The following METTL15 variants were observed in gnomAD, a reference collection of about 807,000 sequenced individuals.
METTL15 encodes the protein 12S rRNA N(4)-cytidine methyltransferase METTL15.
A neutral mutation model predicts 38.3 loss-of-function variants in METTL15; 34 were observed. The observed-to-expected ratio is 0.89, with a 90% CI of 0.68 to 1.18. METTL15 has a LOEUF of 1.18. Ranked by LOEUF, METTL15 falls within the 50% of genes most tolerant of loss-of-function variation. The probability of loss-of-function intolerance (pLI) is 0.00; values close to 1 mark genes in which losing one functional copy is unlikely to be tolerated. For missense variants in METTL15, 438 were observed against 498.4 expected (o/e 0.88, Z 1.15); for synonymous variants, 162 against 170.9 (o/e 0.95, Z 0.41).
At chr11:28,394,237 A>G (rs1291298472) in intron 5 of METTL15, among the ~76,000 whole-genome samples, 1 of 152,124 alleles carries the variant, frequency 6.6e-6, no homozygotes, top group African/African-American at 2.4e-5. Context: ...TCTATGACAT[A>G]TAAGAGTTCC....
At chr11:28,377,046 C>T (rs1319700370) in intron 5 of METTL15, among the ~76,000 whole-genome samples, 1 of 132,132 alleles carries the variant, frequency 7.6e-6, no homozygotes, top group African/African-American at 2.6e-5. Context: ...GTCTGATGGG[C>T]TTCCCTTTGA....
At chr11:28,235,768 T>G (rs1853929729) in intron 4 of METTL15, among the ~76,000 whole-genome samples, 2 of 152,208 alleles carry the variant, frequency 1.3e-5, no homozygotes, top group Non-Finnish European at 2.9e-5. Flanking sequence ...ACAATTTGAC[T>G]TCCTGTTTTC....
intron 4 of METTL15, among the ~76,000 whole-genome samples, chr11:28,354,648 C>T (rs1850074807): frequency 6.6e-6 from 1 of 152,074 alleles, no homozygotes; most frequent in South Asian, 2.1e-4. Context: ...CTTAGTTCAG[C>T]TCATTCAACA....
intron 3 of METTL15, among the ~76,000 whole-genome samples, chr11:28,134,143 C>A (rs1388446354): frequency 6.6e-6 from 1 of 152,112 alleles, no homozygotes; most frequent in African/African-American, 2.4e-5. Context: ...CTTAGCTCAG[C>A]AAGGTCCATG....
chr11:28,238,932 T>C (rs1218091207), intron 4 of METTL15, among the ~76,000 whole-genome samples: 1 of 152,236 alleles, frequency 6.6e-6, no homozygotes, highest in Non-Finnish European at 1.5e-5. Flanking sequence ...GTTGACTATT[T>C]CCTATTCCTT....
intron 3 of METTL15, among the ~76,000 whole-genome samples, chr11:28,135,976 T>C (rs989056463): frequency 2.0e-5 from 3 of 152,226 alleles, no homozygotes; most frequent in Admixed American, 2.0e-4. Flanking sequence ...TCATGAGTCC[T>C]GTATGTTTCT....
chr11:28,440,706 C>T (rs1329698277), intron 6 of METTL15, among the ~76,000 whole-genome samples: 1 of 152,170 alleles, frequency 6.6e-6, no homozygotes, highest in African/African-American at 2.4e-5. Flanking sequence ...TAAATGTCAT[C>T]ATACGTGCAC....
At chr11:28,221,468 T>G (rs1467211097) in intron 4 of METTL15, among the ~76,000 whole-genome samples, 3 of 152,172 alleles carry the variant, frequency 2.0e-5, no homozygotes, top group African/African-American at 7.2e-5. Flanking sequence ...TCATCTAATT[T>G]TTTTTCAAGG....
intron 6 of METTL15, among the ~76,000 whole-genome samples, chr11:28,430,022 T>A (rs1850902488): frequency 1.6e-5 from 2 of 125,676 alleles, no homozygotes; most frequent in African/African-American, 3.1e-5. Context: ...CCATCTGGGA[T>A]GTGAGGAGCG....
intron 6 of METTL15, among the ~76,000 whole-genome samples, chr11:28,493,250 G>C (rs1426185831): frequency 6.6e-6 from 1 of 152,090 alleles, no homozygotes; most frequent in East Asian, 1.9e-4. Context: ...TTATTGTTAA[G>C]TTTGGGAGTC....
chr11:28,390,549 T>C (rs1850492991), intron 5 of METTL15, among the ~76,000 whole-genome samples: 2 of 152,158 alleles, frequency 1.3e-5, no homozygotes, highest in Admixed American at 1.3e-4. Flanking sequence ...AGATATGTAG[T>C]GTTATTTCTG....
At chr11:28,325,002 C>T (rs1351767279) in intron 6 of METTL15, among the ~76,000 whole-genome samples, 1 of 152,140 alleles carries the variant, frequency 6.6e-6, no homozygotes, top group Non-Finnish European at 1.5e-5. Context: ...GCTGACATTC[C>T]CTTGGCTTCA....
intron 6 of METTL15, among the ~76,000 whole-genome samples, chr11:28,476,182 C>G (rs540337499): frequency 6.6e-6 from 1 of 152,190 alleles, no homozygotes; most frequent in Non-Finnish European, 1.5e-5. Context: ...GCAGTCTCAG[C>G]GTGAGAGTAT....
Position 28,315,855 on chromosome 11 carries a change from C to A in METTL15, c.779-14541C>A, listed in dbSNP as rs554335859. On this transcript the variant is annotated intron_variant, in intron 6 of 6. Coordinates refer to ENST00000407364, the MANE Select transcript of METTL15 (RefSeq NM_001113528.2). ...TGGAAGTCCCAAGCTTTGGCAGCTT[C>A]TATGTGGTGTTGAGCCTGTGGGTGC... is the stretch of plus-strand genomic sequence containing the variant. Among the ~76,000 whole-genome samples, 3 of 152,350 alleles carry A rather than the reference C, an allele frequency of 2.0e-5. No individual in the cohort carries two copies. In the South Asian group the frequency reaches 6.2e-4, roughly 32 times the overall value.
chr11:28,435,842 A>G (rs1308398298), intron 6 of METTL15, among the ~76,000 whole-genome samples: 1 of 152,216 alleles, frequency 6.6e-6, no homozygotes, highest in Non-Finnish European at 1.5e-5. Context: ...AAAGGGTCTT[A>G]TAGCCATGCC....
intron 6 of METTL15, among the ~76,000 whole-genome samples, chr11:28,309,548 C>T (rs997330131): frequency 6.6e-6 from 1 of 152,142 alleles, no homozygotes; most frequent in African/African-American, 2.4e-5. Flanking sequence ...TTGGAGCATA[C>T]CCCGCAACCC....
At chr11:28,291,050 CTT>C (rs1313497959) in intron 5 of METTL15, among the ~76,000 whole-genome samples, 14 of 133,618 alleles carry the variant, frequency 1.0e-4, no homozygotes, top group Admixed American at 2.3e-4. Flanking sequence ...TAATTCTTTT[CTT>C]TTTTTTTTTT....
At chr11:28,203,861 A>G (rs1052224082) in intron 3 of METTL15, among the ~76,000 whole-genome samples, 1 of 152,126 alleles carries the variant, frequency 6.6e-6, no homozygotes, top group South Asian at 2.1e-4. Context: ...AAAAGAGTTA[A>G]TAACAGATCA....
Position 28,290,408 on chromosome 11 carries a change from A to C in METTL15, c.599+11A>C, listed in dbSNP as rs762295241. 6.3e-7 allele frequency: 1 copy of C among 1,590,912 alleles called. No homozygotes were observed. The highest frequency in any genetic ancestry group is 8.6e-7 in the Non-Finnish European group (1 of 1,167,852). On this transcript the variant is annotated intron_variant, in intron 5 of 6. Transcript: ENST00000407364. ...AATGGATGGTGGCAGGTGAGTATTC[A>C]TAAAGCATTTCATCTCACAACAAGA...
Sources: gnomAD v4.1 joint callset for allele counts (sites outside exome capture counted in the v4.1 genomes callset) on GRCh38, gnomAD v4.1.1 for gene constraint, MANE v1.5 for transcripts, NCBI Gene and HGNC (gene_info 2026-07-23, HGNC 2026-07-21) for gene names.